Variants in MTBP observed in about 807,000 individuals in gnomAD.
The protein encoded by MTBP is mdm2-binding protein.
In MTBP, 101 loss-of-function variants were observed where a neutral mutation model predicts 117.0. The observed-to-expected ratio is 0.86, with a 90% confidence interval of 0.73 to 1.02. The LOEUF (loss-of-function observed/expected upper bound fraction) is 1.02. MTBP is among the 50% of genes least tolerant of loss of function. MTBP has a pLI of 0.00. For synonymous variants in MTBP, 350 were observed against 351.5 expected (o/e 1.00, Z 0.05); for missense variants, 970 against 1,030.9 (o/e 0.94, Z 0.81).
At chr8:120,450,976 T>C in intron 2 of MTBP, 27 bp from the exon 3 acceptor site, 1 of 1,568,870 alleles carries the variant, frequency 6.4e-7, no homozygotes, top group Non-Finnish European at 8.7e-7. Context: ...TATGCCTTTT[T>C]AATAATAATG....
chr8:120,515,885 C>T (rs752694613), intron 17 of MTBP, 40 bp from the exon 18 acceptor site: 64 of 1,581,658 alleles, frequency 4.0e-5, no homozygotes, highest in Non-Finnish European at 5.4e-5. Flanking sequence ...CTGTTGCTCT[C>T]ATGGAGGTTT....
At chr8:120,449,762 G>A (rs1376135678) in intron 2 of MTBP, among the ~76,000 whole-genome samples, 10 of 152,194 alleles carry the variant, frequency 6.6e-5, no homozygotes, top group Admixed American at 5.9e-4. Flanking sequence ...GTAGTAAAAT[G>A]TGTCATCTTT....
chr8:120,456,028 C>T (rs1813461538), intron 6 of MTBP, among the ~76,000 whole-genome samples: 1 of 152,132 alleles, frequency 6.6e-6, no homozygotes, highest in Non-Finnish European at 1.5e-5. Context: ...GATTTGTTTT[C>T]ATTCAACGAA....
chr8:120,450,908 T>C, intron 2 of MTBP, 95 bp from the exon 3 acceptor site: 1 of 820,096 alleles, frequency 1.2e-6, no homozygotes, highest in Non-Finnish European at 1.9e-6. Context: ...TGTAATATGT[T>C]TCAAAAGTTA....
At chr8:120,515,867 G>C in intron 17 of MTBP, 58 bp from the exon 18 acceptor site, 2 of 1,465,718 alleles carry the variant, frequency 1.4e-6, no homozygotes, top group African/African-American at 2.8e-5. Context: ...TCATTGAAAG[G>C]GGAAAGTCTG....
chr8:120,487,706 T>C (rs1371390690), intron 11 of MTBP, among the ~76,000 whole-genome samples: 1 of 152,230 alleles, frequency 6.6e-6, no homozygotes, highest in African/African-American at 2.4e-5. Flanking sequence ...ATTCCCTCTG[T>C]AAAATACATT....
chr8:120,453,010 G>A (rs962691177), intron 4 of MTBP, among the ~76,000 whole-genome samples: 2 of 151,908 alleles, frequency 1.3e-5, no homozygotes, highest in South Asian at 4.2e-4. Flanking sequence ...ACTTTTTTGA[G>A]AAAAAAATTG....
chr8:120,470,011 T>C (rs934611113), intron 10 of MTBP, among the ~76,000 whole-genome samples: 1 of 152,222 alleles, frequency 6.6e-6, no homozygotes, highest in East Asian at 1.9e-4. Flanking sequence ...CTTTGGCAAA[T>C]GCTTTGCCTA....
At chr8:120,501,371 TAAATAAAAATA>T (rs966990671) in intron 14 of MTBP, among the ~76,000 whole-genome samples, 6 of 144,874 alleles carry the variant, frequency 4.1e-5, no homozygotes, top group Admixed American at 1.4e-4. Context: ...AAAACATAAA[TAAATAAAAATA>T]AAATAAAAAT....
chr8:120,521,045 C>G (rs1342393872), intron 20 of MTBP, among the ~76,000 whole-genome samples: 4 of 151,996 alleles, frequency 2.6e-5, no homozygotes, highest in Non-Finnish European at 5.9e-5. Flanking sequence ...AGGACCAGGC[C>G]TAGGCAGCAA....
Position 120,488,329 on chromosome 8 carries a change from T to C in MTBP, c.1336T>C (p.Leu446=), listed in dbSNP as rs186394443. The change falls in exon 12 of 22, where the codon TTG becomes CTG. Residue 446 remains leucine (L), a synonymous_variant. Transcript: ENST00000305949. ...KMKTKTEEAK[L]SFPFDLLSLP... ...GAAAACAAAGACAGAAGAAGCCAAA[T>C]TGAGTAAGTGTTAACTTCAGGTAGA... 46 of 1,540,412 alleles carry C rather than the reference T, an allele frequency of 3.0e-5. No homozygotes were observed. Among genetic ancestry groups the C allele is most frequent in the Non-Finnish European group, 3.6e-5 (41 of 1,150,498 alleles).
Position 120,518,007 on chromosome 8 carries a change from A to G in MTBP, c.2403A>G (p.Lys801=). 1.2e-6 allele frequency: 2 copies of G among 1,612,884 alleles called. No homozygotes were observed. Among genetic ancestry groups the G allele is most frequent in the East Asian group, 2.2e-5 (1 of 44,830 alleles). Residue 801 remains lysine, a synonymous_variant, in exon 19 of 22, where the codon AAA becomes AAG. Coordinates refer to ENST00000305949, the MANE Select transcript of MTBP (RefSeq NM_022045.5). Reference sequence around the variant, plus strand: ...CAATTCCTAGCTGTGAAACTCCAAAACTTGCTACAAAGACCAGTTCAGGTC... The same window carrying G: ...CAATTCCTAGCTGTGAAACTCCAAAGCTTGCTACAAAGACCAGTTCAGGTC... ...LVPIPSCETP[K]LATKTSSGQK...
intron 14 of MTBP, among the ~76,000 whole-genome samples, chr8:120,502,063 C>T (rs937373852): frequency 6.6e-6 from 1 of 152,130 alleles, no homozygotes; most frequent in Non-Finnish European, 1.5e-5. Flanking sequence ...AAGGTAATCT[C>T]TTTTTAAACA....
intron 10 of MTBP, among the ~76,000 whole-genome samples, chr8:120,470,217 G>A (rs1026554077): frequency 6.6e-6 from 1 of 152,140 alleles, no homozygotes; most frequent in Non-Finnish European, 1.5e-5. Context: ...TGTATCCCCA[G>A]CCCTGGCAAT....
In MTBP at chr8:120,523,533, A is replaced by T. The variant is rs542599762; in HGVS notation, c.*197A>T. 1 of 311,280 alleles carries T rather than the reference A, an allele frequency of 3.2e-6. No homozygotes were observed. The highest frequency in any genetic ancestry group is 2.1e-5 in the African/African-American group (1 of 46,532). The allele number at this position is 311,280 out of a possible 1,614,324, so 19.3% of individuals were successfully genotyped here. On this transcript the variant is annotated 3_prime_UTR_variant, in exon 22 of 22. Coordinates refer to ENST00000305949, the MANE Select transcript of MTBP (RefSeq NM_022045.5). ...GCTATGTTAATGTATTTTTAATTAG[A>T]TACATATTTTGTAAAGTGTTACTAT... is the stretch of plus-strand genomic sequence containing the variant.
chr8:120,517,642 GTGTTATATATTATGTAATATATTA>G (rs1478376217), intron 18 of MTBP, among the ~76,000 whole-genome samples, 185 bp from the exon 19 acceptor site: 3 of 151,442 alleles, frequency 2.0e-5, no homozygotes, highest in African/African-American at 7.3e-5. Context: ...TAGTGGTATA[GTGTTATATATTATGTAATATATTA>G]TGTTATATAT....
intron 11 of MTBP, chr8:120,473,619 A>T (rs1189804263): frequency 1.3e-5 from 2 of 152,152 alleles, no homozygotes; most frequent in African/African-American, 4.8e-5. Flanking sequence ...TTAAGAGCTC[A>T]AGAAAAGTTT....
chr8:120,456,386 G>A (rs186300054), intron 6 of MTBP, among the ~76,000 whole-genome samples, 167 bp from the exon 7 acceptor site: 11 of 152,234 alleles, frequency 7.2e-5, no homozygotes, highest in Admixed American at 7.2e-4. Context: ...ATGAACATGT[G>A]TCAGCAATGC....
At chr8:120,449,709 C>G (rs907918210) in intron 2 of MTBP, among the ~76,000 whole-genome samples, 1 of 152,046 alleles carries the variant, frequency 6.6e-6, no homozygotes, top group Non-Finnish European at 1.5e-5. Flanking sequence ...AAGGAGCAGC[C>G]AGAAGGATGG....
Sources: allele counts gnomAD v4.1 joint callset (sites outside exome capture counted in the v4.1 genomes callset), GRCh38; gene constraint gnomAD v4.1.1; transcripts MANE v1.5; gene names NCBI Gene and HGNC (gene_info 2026-07-23, HGNC 2026-07-21).